The following HCN1 variants were observed in gnomAD, a reference collection of about 807,000 sequenced individuals.
HCN1 encodes the protein hyperpolarization activated cyclic nucleotide gated potassium channel 1, also known as potassium/sodium hyperpolarization-activated cyclic nucleotide-gated channel 1.
In HCN1, 13 loss-of-function variants were observed where a neutral mutation model predicts 78.9. That is an observed-to-expected ratio of 0.16 (90% CI 0.11 to 0.26). HCN1 has a LOEUF of 0.26. HCN1 is among the 10% of genes least tolerant of loss of function. The probability of loss-of-function intolerance (pLI) is 1.00; values close to 1 mark genes in which losing one functional copy is unlikely to be tolerated. For synonymous variants in HCN1, 552 were observed against 455.5 expected (o/e 1.21, Z -2.70); for missense variants, 810 against 1,154.3 (o/e 0.70, Z 4.32).
chr5:45,273,780 CA>C (rs2111856878), intron 6 of HCN1, among the ~76,000 whole-genome samples: 1 of 152,184 alleles, frequency 6.6e-6, no homozygotes, highest in East Asian at 1.9e-4. Flanking sequence ...TAACATGTAA[CA>C]GAAAATATCA....
intron 5 of HCN1, among the ~76,000 whole-genome samples, chr5:45,341,769 T>A (rs1270517677): frequency 6.6e-6 from 1 of 152,070 alleles, no homozygotes; most frequent in Non-Finnish European, 1.5e-5. Context: ...AAAAATAACA[T>A]CTGCTTATTA....
intron 2 of HCN1, among the ~76,000 whole-genome samples, chr5:45,494,048 C>T (rs1741963345): frequency 6.6e-6 from 1 of 152,042 alleles, no homozygotes; most frequent in African/African-American, 2.4e-5. Flanking sequence ...GTGAATAATG[C>T]CGCAATAAAC....
chr5:45,359,203 C>T (rs1747064223), intron 4 of HCN1, among the ~76,000 whole-genome samples: 1 of 151,932 alleles, frequency 6.6e-6, no homozygotes, highest in African/African-American at 2.4e-5. Context: ...ATTTTATACA[C>T]TTCACATTCC....
At position 45,476,679 on chromosome 5, in the gene HCN1, C is replaced by T. The variant is rs150691104; in HGVS notation, c.850-14672G>A. Among the ~76,000 whole-genome samples, 47 of 152,164 alleles carry T rather than the reference C, an allele frequency of 3.1e-4. 1 individual carries two copies. The East Asian group carries it at 7.0e-3, about 23-fold the overall frequency. On this transcript the variant is annotated intron_variant, in intron 2 of 7. Coordinates refer to ENST00000303230, the MANE Select transcript of HCN1 (RefSeq NM_021072.4). ...CATTTATCATGCTGGGGCATAATTG[C>T]CTGTTTATTTGTCTGCCCTCTTCAT...
At chr5:45,479,120 GT>G (rs201844381) in intron 2 of HCN1, among the ~76,000 whole-genome samples, 348 of 141,894 alleles carry the variant, frequency 2.5e-3, no homozygotes, top group African/African-American at 9.2e-3. Context: ...GAGCGAGACT[GT>G]TTTAAAAAAA....
chr5:45,553,698 C>T (rs1368799494), intron 2 of HCN1, among the ~76,000 whole-genome samples: 2 of 151,852 alleles, frequency 1.3e-5, no homozygotes, highest in African/African-American at 4.8e-5. Context: ...GTGCATCTGC[C>T]CATATACCTT....
intron 4 of HCN1, among the ~76,000 whole-genome samples, chr5:45,374,290 T>G (rs1393895749): frequency 7.8e-6 from 1 of 128,790 alleles, no homozygotes; most frequent in Admixed American, 9.4e-5. Context: ...ATTATATACA[T>G]TATATATATT....
chr5:45,652,167 A>G (rs186112790), intron 1 of HCN1, among the ~76,000 whole-genome samples: 4 of 151,966 alleles, frequency 2.6e-5, no homozygotes, highest in African/African-American at 4.8e-5. Context: ...GCAAAAGTAA[A>G]CATGTTTTGT....
At chr5:45,638,263 G>A (rs1745392534) in intron 2 of HCN1, among the ~76,000 whole-genome samples, 1 of 152,148 alleles carries the variant, frequency 6.6e-6, no homozygotes, top group South Asian at 2.1e-4. Context: ...ATGTCACTGA[G>A]TCATGTGGAC....
chr5:45,680,320 T>C lies in HCN1; in HGVS notation c.425+15349A>G, dbSNP rs551593271. 3.3e-5 allele frequency among the ~76,000 whole-genome samples: 5 copies of C among 152,284 alleles called. No homozygotes were observed. The South Asian group carries it at 6.2e-4, about 19-fold the overall frequency. On this transcript the variant is annotated intron_variant, in intron 1 of 7. Transcript: ENST00000303230. ...AGTGTAACAATGAACAAGTAAAGAA[T>C]TGCTATTTTATAAAATTTATACTAA...
chr5:45,580,921 T>C (rs1390902174), intron 2 of HCN1, among the ~76,000 whole-genome samples: 5 of 152,246 alleles, frequency 3.3e-5, no homozygotes, highest in African/African-American at 1.2e-4. Flanking sequence ...CCACATTTTC[T>C]TAATCCAGTC....
At chr5:45,642,912 T>G (rs965918435) in intron 2 of HCN1, 1 of 152,112 alleles carries the variant, frequency 6.6e-6, no homozygotes, top group Non-Finnish European at 1.5e-5. Flanking sequence ...CCATGATATA[T>G]GATATTATAT....
At chr5:45,313,490 G>A (rs933082115) in intron 5 of HCN1, among the ~76,000 whole-genome samples, 6 of 152,176 alleles carry the variant, frequency 3.9e-5, no homozygotes, top group South Asian at 2.1e-4. Context: ...GCAGCTCCTC[G>A]CCAGCACCAG....
At chr5:45,683,050 C>T (rs932920313) in intron 1 of HCN1, among the ~76,000 whole-genome samples, 1 of 151,988 alleles carries the variant, frequency 6.6e-6, no homozygotes, top group African/African-American at 2.4e-5. Flanking sequence ...GCTCCCCCTC[C>T]ATAGCTTTAT....
chr5:45,493,796 T>A (rs1013340116), intron 2 of HCN1, among the ~76,000 whole-genome samples: 2 of 124,086 alleles, frequency 1.6e-5, no homozygotes, highest in African/African-American at 6.3e-5. Flanking sequence ...TTCCCCTTCC[T>A]GTGTCCATGA....
chr5:45,444,399 T>G (rs1336984276), intron 3 of HCN1, among the ~76,000 whole-genome samples: 3 of 152,174 alleles, frequency 2.0e-5, no homozygotes, highest in African/African-American at 7.2e-5. Context: ...TCAAAATATC[T>G]TAGTATTTGG....
intron 5 of HCN1, among the ~76,000 whole-genome samples, chr5:45,325,461 G>A (rs1434601879): frequency 6.6e-6 from 1 of 151,584 alleles, no homozygotes; most frequent in Non-Finnish European, 1.5e-5. Context: ...TTTGATCAAA[G>A]TCAACAAATA....
intron 2 of HCN1, among the ~76,000 whole-genome samples, chr5:45,567,579 A>G (rs933963543): frequency 6.6e-6 from 1 of 151,338 alleles, no homozygotes; most frequent in Admixed American, 6.6e-5. Flanking sequence ...ACACACACAC[A>G]CACACACACA....
At chr5:45,654,904 A>G (rs1316200249) in intron 1 of HCN1, among the ~76,000 whole-genome samples, 3 of 152,140 alleles carry the variant, frequency 2.0e-5, no homozygotes, top group African/African-American at 7.2e-5. Flanking sequence ...ACCACATTGC[A>G]TATTTTCAAA....
Sources: gnomAD v4.1 joint callset for allele counts (sites outside exome capture counted in the v4.1 genomes callset) on GRCh38, gnomAD v4.1.1 for gene constraint, MANE v1.5 for transcripts, NCBI Gene and HGNC (gene_info 2026-07-23, HGNC 2026-07-21) for gene names.